CACNB2: variants seen among roughly 807,000 people sequenced by gnomAD.
The protein encoded by CACNB2 is voltage-dependent L-type calcium channel subunit beta-2.
A neutral mutation model predicts 73.3 loss-of-function variants in CACNB2; 42 were observed. The observed-to-expected ratio is 0.57, with a 90% confidence interval of 0.45 to 0.74. CACNB2 has a LOEUF of 0.74. Ranked by LOEUF, CACNB2 falls within the 30% of genes least tolerant of loss-of-function variation. The pLI is 0.00. For synonymous variants in CACNB2, 348 were observed against 310.3 expected (o/e 1.12, Z -1.28); for missense variants, 940 against 853.0 (o/e 1.10, Z -1.27).
chr10:18,169,342 T>C lies in CACNB2; in HGVS notation c.213+18367T>C, dbSNP rs866318491. 5.3e-5 allele frequency among the ~76,000 whole-genome samples: 8 copies of C among 152,316 alleles called. No individual in the cohort carries two copies. In the South Asian group the frequency reaches 1.5e-3, roughly 28 times the overall value. On this transcript the variant is annotated intron_variant, in intron 2 of 13. Transcript: ENST00000324631. ...GTTTACCAGATGATTTAACTTAAAA[T>C]ATATGCTACTCTCATTCTTGTTTTA...
intron 2 of CACNB2, among the ~76,000 whole-genome samples, chr10:18,231,173 T>A (rs1444640584): frequency 2.6e-5 from 4 of 152,170 alleles, no homozygotes; most frequent in Non-Finnish European, 5.9e-5. Context: ...TGTTCAACTC[T>A]TTTTTCTTCT....
At chr10:18,372,030 G>A (rs535842845) in intron 2 of CACNB2, among the ~76,000 whole-genome samples, 219 of 152,142 alleles carry the variant, frequency 1.4e-3, no homozygotes, top group Non-Finnish European at 1.7e-3. Context: ...CATATCCTTC[G>A]CCCACTTGTT....
At chr10:18,395,090 A>T (rs2043653807) in intron 2 of CACNB2, among the ~76,000 whole-genome samples, 1 of 152,210 alleles carries the variant, frequency 6.6e-6, no homozygotes, top group South Asian at 2.1e-4. Context: ...TATATATCAC[A>T]TGCAGAGTGA....
chr10:18,314,248 G>A (rs1347233539), intron 2 of CACNB2, among the ~76,000 whole-genome samples: 1 of 152,092 alleles, frequency 6.6e-6, no homozygotes, highest in Admixed American at 6.6e-5. Context: ...TGGGATTCGG[G>A]GAAAAGTAAG....
intron 2 of CACNB2, among the ~76,000 whole-genome samples, chr10:18,365,958 C>G (rs1006200312): frequency 2.0e-5 from 3 of 152,210 alleles, no homozygotes; most frequent in African/African-American, 7.2e-5. Context: ...TCTGAGCCCT[C>G]TCACTTCTCA....
chr10:18,325,979 A>C (rs1237306699), intron 2 of CACNB2, among the ~76,000 whole-genome samples: 2 of 152,012 alleles, frequency 1.3e-5, no homozygotes, highest in Non-Finnish European at 1.5e-5. Context: ...TCCTGGGCTC[A>C]AACTCCTGGG....
intron 2 of CACNB2, among the ~76,000 whole-genome samples, chr10:18,242,359 G>T (rs543272837): frequency 9.2e-5 from 14 of 152,278 alleles, no homozygotes; most frequent in African/African-American, 3.4e-4. Flanking sequence ...ATATACTTGA[G>T]TAGAGAGTTG....
intron 3 of CACNB2, among the ~76,000 whole-genome samples, chr10:18,418,177 C>A (rs565968354): frequency 1.8e-4 from 27 of 152,264 alleles, no homozygotes; most frequent in Admixed American, 1.6e-3. Context: ...CATGTTCAGG[C>A]GATTCTCCTG....
intron 2 of CACNB2, among the ~76,000 whole-genome samples, chr10:18,326,253 T>G (rs2040587152): frequency 6.6e-6 from 1 of 152,202 alleles, no homozygotes; most frequent in Non-Finnish European, 1.5e-5. Flanking sequence ...AATATTACCT[T>G]GAGTCAAAAT....
At chr10:18,439,153 G>A (rs1301840105) in intron 3 of CACNB2, among the ~76,000 whole-genome samples, 1 of 152,250 alleles carries the variant, frequency 6.6e-6, no homozygotes, top group Non-Finnish European at 1.5e-5. Context: ...GAAAGTCGAA[G>A]TGGGAGGATT....
chr10:18,140,663 G>C lies in CACNB2; in HGVS notation c.-74G>C. On this transcript the variant is annotated 5_prime_UTR_variant, in exon 1 of 14. Coordinates refer to ENST00000324631, the MANE Select transcript of CACNB2 (RefSeq NM_201596.3). ...CGGCCCCCAGAGCCGATCAGAGCGC[G>C]GGGAGGCGGGGGCGAGGAGGAGGGG... The C allele has an allele frequency of 7.5e-7, 1 of 1,334,616 alleles. No individual in the cohort carries two copies. Among genetic ancestry groups the C allele is most frequent in the African/African-American group, 1.4e-5 (1 of 69,660 alleles). The allele number at this position is 1,334,616 out of a possible 1,614,324, so 82.7% of individuals were successfully genotyped here. A position where few individuals can be genotyped will look rare whatever the true frequency, so the allele number is the denominator to read the frequency against.
chr10:18,175,248 C>T (rs773961013), intron 2 of CACNB2, among the ~76,000 whole-genome samples: 1 of 152,154 alleles, frequency 6.6e-6, no homozygotes, highest in African/African-American at 2.4e-5. Context: ...TTGCGTCTTT[C>T]GTTGTCCACA....
At chr10:18,257,716 C>A (rs72784216) in intron 2 of CACNB2, among the ~76,000 whole-genome samples, 1 of 151,990 alleles carries the variant, frequency 6.6e-6, no homozygotes, top group Non-Finnish European at 1.5e-5. Flanking sequence ...GTTCCCTTGG[C>A]GTTCCCATTG....
chr10:18,396,465 A>G (rs993512553), intron 2 of CACNB2, among the ~76,000 whole-genome samples: 4 of 152,114 alleles, frequency 2.6e-5, no homozygotes, highest in Non-Finnish European at 5.9e-5. Context: ...GCTGAAGTCT[A>G]TCCCATTTTG....
intron 2 of CACNB2, among the ~76,000 whole-genome samples, chr10:18,249,740 C>G (rs12241085): frequency 0.58 from 87,656 of 152,022 alleles, 26,290 homozygotes; most frequent in African/African-American, 0.74. Flanking sequence ...TTCTCAAGAC[C>G]ATCTATATGC....
chr10:18,408,396 G>A (rs968501043), intron 3 of CACNB2, among the ~76,000 whole-genome samples: 30 of 151,582 alleles, frequency 2.0e-4, no homozygotes, highest in African/African-American at 5.8e-4. Context: ...GCACCACTGC[G>A]CCCAGCTGAT....
At chr10:18,203,822 A>G (rs2034985734) in intron 2 of CACNB2, among the ~76,000 whole-genome samples, 1 of 152,248 alleles carries the variant, frequency 6.6e-6, no homozygotes, top group Non-Finnish European at 1.5e-5. Context: ...CGTAGTTCTT[A>G]TAATAGCATT....
chr10:18,306,108 G>T (rs1235558200), intron 2 of CACNB2, among the ~76,000 whole-genome samples: 1 of 152,172 alleles, frequency 6.6e-6, no homozygotes, highest in African/African-American at 2.4e-5. Context: ...ACAGAATTCA[G>T]CAAGCAGGCA....
chr10:18,213,000 G>A (rs1191457320), intron 2 of CACNB2, among the ~76,000 whole-genome samples: 9 of 152,212 alleles, frequency 5.9e-5, no homozygotes, highest in Admixed American at 4.6e-4. Flanking sequence ...TTGTGAGGAA[G>A]CACATAAAGG....
Sources: allele counts gnomAD v4.1 joint callset (sites outside exome capture counted in the v4.1 genomes callset), GRCh38; gene constraint gnomAD v4.1.1; transcripts MANE v1.5; gene names NCBI Gene and HGNC (gene_info 2026-07-23, HGNC 2026-07-21).